Variants in GNAL observed in about 807,000 individuals in gnomAD.
GNAL encodes the protein guanine nucleotide-binding protein G(olf) subunit alpha.
Under a neutral mutation model 55.1 loss-of-function variants are expected in GNAL, and 18 were observed. The ratio of observed to expected loss-of-function variants is 0.33; its 90% CI spans 0.23 to 0.48. The LOEUF (loss-of-function observed/expected upper bound fraction) is 0.48, where lower values mean the gene tolerates loss of function less well. Ranked by LOEUF, GNAL falls within the 20% of genes least tolerant of loss-of-function variation. The pLI is 0.99. For synonymous variants in GNAL, 253 were observed against 237.0 expected (o/e 1.07, Z -0.62); for missense variants, 412 against 614.1 (o/e 0.67, Z 3.48).
At chr18:11,771,157 A>G (rs28651978) in intron 4 of GNAL, among the ~76,000 whole-genome samples, 47,365 of 151,208 alleles carry the variant, frequency 0.31, 8,032 homozygotes, top group African/African-American at 0.45. Flanking sequence ...GGCAGAGGTT[A>G]CAGTGAGCCG....
intron 5 of GNAL, among the ~76,000 whole-genome samples, chr18:11,840,580 G>A (rs762855550): frequency 7.9e-5 from 12 of 152,130 alleles, no homozygotes; most frequent in Non-Finnish European, 1.6e-4. Flanking sequence ...TTGGTATCTG[G>A]GGCACCCCCT....
rs551441322 is a variant in GNAL at position 11,794,409 on chromosome 18, G to C, written c.625-30509G>C. On this transcript the variant is annotated intron_variant, in intron 4 of 11. Coordinates refer to ENST00000334049, the MANE Select transcript of GNAL (RefSeq NM_182978.4). ...ATATTACTCAGCCATCAAAAGGAAC[G>C]AAGTTCTGATACTTGCCACAGCATG... Among the ~76,000 whole-genome samples, 4 of 152,206 alleles carry C rather than the reference G, an allele frequency of 2.6e-5. No homozygotes were observed. The South Asian group carries it at 8.3e-4, about 31-fold the overall frequency.
intron 1 of GNAL, among the ~76,000 whole-genome samples, chr18:11,711,794 T>C (rs1232544887): frequency 6.6e-6 from 1 of 152,216 alleles, no homozygotes; most frequent in Non-Finnish European, 1.5e-5. Context: ...ATGTTCCTTA[T>C]AGCTTTATGT....
chr18:11,693,432 C>T (rs2031313901), intron 1 of GNAL, among the ~76,000 whole-genome samples: 1 of 152,172 alleles, frequency 6.6e-6, no homozygotes, highest in South Asian at 2.1e-4. Context: ...GATATCTACA[C>T]TAAAACGCAT....
intron 1 of GNAL, among the ~76,000 whole-genome samples, chr18:11,695,920 A>ACGCACGCACGCG (rs1567988349): frequency 5.7e-5 from 8 of 140,852 alleles, no homozygotes; most frequent in African/African-American, 2.5e-4. Context: ...GCATGCACGC[A>ACGCACGCACGCG]TGCACACACA....
intron 5 of GNAL, chr18:11,857,816 C>A (rs2036043698): frequency 3.9e-6 from 3 of 765,250 alleles, no homozygotes; most frequent in Non-Finnish European, 3.2e-6. Flanking sequence ...CCAGTACGAA[C>A]TCCTGGGCTC....
chr18:11,776,440 C>T (rs2033786229), intron 4 of GNAL, among the ~76,000 whole-genome samples: 1 of 152,118 alleles, frequency 6.6e-6, no homozygotes, highest in East Asian at 1.9e-4. Flanking sequence ...GGCAAAGTGG[C>T]TTATGCCTGT....
intron 4 of GNAL, among the ~76,000 whole-genome samples, chr18:11,776,004 G>C (rs1468801113): frequency 6.6e-6 from 1 of 152,218 alleles, no homozygotes; most frequent in Non-Finnish European, 1.5e-5. Context: ...CAAGCCTAGA[G>C]AAAAGGTGTC....
At chr18:11,788,928 T>TATAC (rs373382357) in intron 4 of GNAL, among the ~76,000 whole-genome samples, 26,024 of 114,582 alleles carry the variant, frequency 0.23, 4,159 homozygotes, top group Non-Finnish European at 0.32. Context: ...TATATATATA[T>TATAC]ATATATATAC....
intron 4 of GNAL, among the ~76,000 whole-genome samples, chr18:11,801,012 C>T (rs2034507451): frequency 6.6e-6 from 1 of 152,182 alleles, no homozygotes; most frequent in Non-Finnish European, 1.5e-5. Flanking sequence ...TTCACATAGG[C>T]TTTTGGCATG....
rs139752959 is a variant in GNAL at position 11,755,944 on chromosome 18, A to C, written c.624+1999A>C. On this transcript the variant is annotated intron_variant, in intron 4 of 11. Transcript: ENST00000334049. ...AGGAGTGGTGTTCCCTTTCAACTTC[A>C]GATTTAGACATTTATAGAAAAGCAT... Among the ~76,000 whole-genome samples the C allele has an allele frequency of 8.7e-3, 1,326 of 152,342 alleles. 19 individuals carry two copies. The highest frequency in any genetic ancestry group is 0.03 in the African/African-American group (1,258 of 41,570).
intron 6 of GNAL, among the ~76,000 whole-genome samples, chr18:11,862,982 G>A (rs1378121438): frequency 2.6e-5 from 4 of 151,194 alleles, no homozygotes; most frequent in Admixed American, 2.0e-4. Flanking sequence ...AAGTTCAAGC[G>A]ATTCTCCTGC....
intron 4 of GNAL, among the ~76,000 whole-genome samples, chr18:11,819,293 G>C (rs1009133510): frequency 2.0e-5 from 3 of 152,082 alleles, no homozygotes; most frequent in African/African-American, 7.2e-5. Context: ...TTATCTTTGA[G>C]TATACTTTCA....
intron 4 of GNAL, among the ~76,000 whole-genome samples, chr18:11,760,138 T>C (rs139562397): frequency 6.6e-6 from 1 of 152,304 alleles, no homozygotes; most frequent in African/African-American, 2.4e-5. Context: ...GTGCATCTCC[T>C]GCTGGGTGCG....
chr18:11,748,749 A>G (rs1420293434), intron 1 of GNAL, among the ~76,000 whole-genome samples: 1 of 152,160 alleles, frequency 6.6e-6, no homozygotes, highest in African/African-American at 2.4e-5. Flanking sequence ...CATTTTATAG[A>G]AATCTTGACA....
chr18:11,716,033 C>T (rs940105940), intron 1 of GNAL, among the ~76,000 whole-genome samples: 3 of 152,134 alleles, frequency 2.0e-5, no homozygotes, highest in East Asian at 1.9e-4. Context: ...GAAAAAGGAA[C>T]GCTTATACAC....
At chr18:11,794,603 G>T (rs1054970353) in intron 4 of GNAL, among the ~76,000 whole-genome samples, 8 of 152,100 alleles carry the variant, frequency 5.3e-5, no homozygotes, top group African/African-American at 1.4e-4. Flanking sequence ...TGACCACCTG[G>T]TGGGCACAGG....
In GNAL at chr18:11,752,535, A is replaced by C; in HGVS notation, c.377-318A>C. ...AAAAGATCGAGAAGCAGTTGCAGAA[A>C]GAGCGCCTGGCTTACAAGGCTACCC... On this transcript the variant is annotated intron_variant, in intron 1 of 11. Transcript: ENST00000334049. The surrounding 1 kb of genome is among the most constrained non-coding windows in gnomAD (Gnocchi z 4.5). The C allele has an allele frequency of 6.2e-7, 1 of 1,613,128 alleles. No homozygotes were observed. The highest frequency in any genetic ancestry group is 8.5e-7 in the Non-Finnish European group (1 of 1,179,610).
intron 1 of GNAL, among the ~76,000 whole-genome samples, chr18:11,741,939 T>C (rs2032585534): frequency 6.6e-6 from 1 of 152,212 alleles, no homozygotes; most frequent in Non-Finnish European, 1.5e-5. Flanking sequence ...TACATTCGCA[T>C]CATTGTGCAA....
Sources: gnomAD v4.1 joint callset for allele counts (sites outside exome capture counted in the v4.1 genomes callset) on GRCh38, gnomAD v4.1.1 for gene constraint, Gnocchi (gnomAD v3.1) non-coding constraint, MANE v1.5 for transcripts, NCBI Gene and HGNC (gene_info 2026-07-23, HGNC 2026-07-21) for gene names.